The following ARHGAP15 variants were observed in gnomAD, a reference collection of about 807,000 sequenced individuals.
ARHGAP15 encodes rho GTPase-activating protein 15.
ARHGAP15 carries 51 observed loss-of-function variants against 63.7 expected under a neutral mutation model. The observed-to-expected ratio is 0.80, with a 90% CI of 0.64 to 1.01. The LOEUF is 1.01. Among genes scored for constraint, ARHGAP15 ranks in the 50% least tolerant of loss-of-function variants. The pLI, the probability that ARHGAP15 is intolerant of heterozygous loss-of-function variation, is 0.00. For missense variants in ARHGAP15, 560 were observed against 564.6 expected (o/e 0.99, Z 0.08); for synonymous variants, 191 against 193.8 (o/e 0.99, Z 0.12).
chr2:143,294,154 C>T (rs1682530452), intron 6 of ARHGAP15, among the ~76,000 whole-genome samples: 1 of 152,022 alleles, frequency 6.6e-6, no homozygotes, highest in African/African-American at 2.4e-5. Flanking sequence ...GTTATTCTTA[C>T]ATACTCTGGA....
chr2:143,218,349 T>G (rs1692851636), intron 4 of ARHGAP15, among the ~76,000 whole-genome samples: 1 of 148,896 alleles, frequency 6.7e-6, no homozygotes, highest in South Asian at 2.2e-4. Flanking sequence ...GCTGATTATA[T>G]CCTTCGGTTT....
chr2:143,320,422 C>CA (rs1307181357), intron 6 of ARHGAP15, among the ~76,000 whole-genome samples: 1 of 95,444 alleles, frequency 1.0e-5, no homozygotes, highest in Non-Finnish European at 2.3e-5. Context: ...CCCCCCCCCC[C>CA]AGAGATCCTA....
intron 12 of ARHGAP15, among the ~76,000 whole-genome samples, chr2:143,673,758 G>GTGTATA (rs1553520615): frequency 6.3e-4 from 14 of 22,126 alleles, no homozygotes; most frequent in African/African-American, 1.1e-3. Flanking sequence ...GTGTGTGTGT[G>GTGTATA]TATATATATA....
intron 6 of ARHGAP15, among the ~76,000 whole-genome samples, chr2:143,329,611 C>T (rs1684414452): frequency 6.6e-6 from 1 of 152,262 alleles, no homozygotes; most frequent in East Asian, 1.9e-4. Flanking sequence ...CCCATGGAAA[C>T]TGTGAAATAA....
intron 1 of ARHGAP15, among the ~76,000 whole-genome samples, chr2:143,149,448 C>A (rs532854062): frequency 6.6e-6 from 1 of 152,070 alleles, no homozygotes; most frequent in African/African-American, 2.4e-5. Context: ...GGAAAAATAT[C>A]AAGTACCTAT....
chr2:143,471,422 C>A (rs1479792503), intron 8 of ARHGAP15, among the ~76,000 whole-genome samples: 1 of 151,684 alleles, frequency 6.6e-6, no homozygotes, highest in African/African-American at 2.4e-5. Flanking sequence ...AAATCCTGCT[C>A]TGGGAAAGCC....
intron 12 of ARHGAP15, among the ~76,000 whole-genome samples, chr2:143,642,156 G>A (rs1235658405): frequency 6.6e-6 from 1 of 151,982 alleles, no homozygotes; most frequent in Non-Finnish European, 1.5e-5. Flanking sequence ...AAGAATGAAA[G>A]GATTTACTTC....
chr2:143,492,056 T>C (rs1692604018), intron 9 of ARHGAP15, among the ~76,000 whole-genome samples: 1 of 152,066 alleles, frequency 6.6e-6, no homozygotes, highest in Middle Eastern at 3.2e-3. Context: ...TAATTTTTTG[T>C]ATTTTAGTAG....
intron 12 of ARHGAP15, among the ~76,000 whole-genome samples, chr2:143,661,120 C>T (rs1574792884): frequency 6.6e-6 from 1 of 152,206 alleles, no homozygotes; most frequent in African/African-American, 2.4e-5. Context: ...CTTCCATTCT[C>T]ATGTCTCTCA....
chr2:143,332,525 A>G (rs894245009), intron 6 of ARHGAP15, among the ~76,000 whole-genome samples: 3 of 152,204 alleles, frequency 2.0e-5, no homozygotes, highest in African/African-American at 4.8e-5. Context: ...ACATTGAAAT[A>G]AACTATCCTA....
At chr2:143,225,306 T>TA (rs1012706593) in intron 4 of ARHGAP15, among the ~76,000 whole-genome samples, 38 of 150,962 alleles carry the variant, frequency 2.5e-4, no homozygotes, top group African/African-American at 7.0e-4. Context: ...AATTTGGATT[T>TA]AAAAAAAAAC....
intron 2 of ARHGAP15, among the ~76,000 whole-genome samples, chr2:143,194,128 A>G (rs191680296): frequency 1.5e-4 from 23 of 152,336 alleles, no homozygotes; most frequent in Admixed American, 1.3e-3. Flanking sequence ...ATAGGTAGAT[A>G]ATTTTAACAT....
Position 143,153,837 on chromosome 2 carries a change from T to TTCC in ARHGAP15, c.-14-1638_-14-1637insCTC, listed in dbSNP as rs1689953792. 1.9e-3 allele frequency among the ~76,000 whole-genome samples: 139 copies of TTCC among 72,200 alleles called. 8 individuals carry two copies. The highest frequency in any genetic ancestry group is 2.4e-3 in the African/African-American group (43 of 17,840). 47.4% of individuals were successfully genotyped at this position (72,200 alleles called of 152,430 possible). ...CTTCTTCTTCTTCTTCTTCTTCTTC[T>TTCC]TCTTCTTCCTCCTCCTCCTCCTCCT... On this transcript the variant is annotated intron_variant, in intron 1 of 13. Coordinates refer to ENST00000295095, the MANE Select transcript of ARHGAP15 (RefSeq NM_018460.4).
At chr2:143,469,303 A>C (rs1691400786) in intron 8 of ARHGAP15, among the ~76,000 whole-genome samples, 1 of 152,192 alleles carries the variant, frequency 6.6e-6, no homozygotes, top group African/African-American at 2.4e-5. Flanking sequence ...CAGCGCTTGA[A>C]AATGGGCATA....
At chr2:143,360,261 G>A (rs1266299268) in intron 6 of ARHGAP15, among the ~76,000 whole-genome samples, 2 of 151,732 alleles carry the variant, frequency 1.3e-5, no homozygotes, top group South Asian at 2.1e-4. Context: ...GTGCTCGGCT[G>A]TAGTCCCAAG....
At chr2:143,658,632 A>C (rs188318208) in intron 12 of ARHGAP15, among the ~76,000 whole-genome samples, 1 of 152,282 alleles carries the variant, frequency 6.6e-6, no homozygotes, top group East Asian at 1.9e-4. Context: ...TCACAGACTC[A>C]GGCCCATTTT....
intron 2 of ARHGAP15, among the ~76,000 whole-genome samples, chr2:143,158,303 A>C (rs1049838743): frequency 6.6e-6 from 1 of 151,922 alleles, no homozygotes; most frequent in African/African-American, 2.4e-5. Context: ...ATATGTCGTA[A>C]AAGCTTTGAT....
At chr2:143,686,369 G>A (rs942793524) in intron 12 of ARHGAP15, among the ~76,000 whole-genome samples, 1 of 112,286 alleles carries the variant, frequency 8.9e-6, no homozygotes, top group Non-Finnish European at 1.7e-5. Context: ...GGGTGACAGA[G>A]CGAGACTCTG....
intron 11 of ARHGAP15, among the ~76,000 whole-genome samples, chr2:143,564,527 A>G (rs1437644878): frequency 6.6e-6 from 1 of 152,208 alleles, no homozygotes; most frequent in South Asian, 2.1e-4. Context: ...AGTAAAGTGC[A>G]TAGCCAGGTT....
Sources: gnomAD v4.1 joint callset for allele counts (sites outside exome capture counted in the v4.1 genomes callset) on GRCh38, gnomAD v4.1.1 for gene constraint, MANE v1.5 for transcripts, NCBI Gene and HGNC (gene_info 2026-07-23, HGNC 2026-07-21) for gene names.